The following MACROD1 variants were observed in gnomAD, a reference collection of about 807,000 sequenced individuals.
The protein encoded by MACROD1 is ADP-ribose glycohydrolase MACROD1.
Under a neutral mutation model 41.4 loss-of-function variants are expected in MACROD1, and 31 were observed. The ratio of observed to expected loss-of-function variants is 0.75; its 90% CI spans 0.56 to 1.01. The LOEUF is 1.01. Ranked by LOEUF, MACROD1 falls within the 50% of genes least tolerant of loss-of-function variation. The pLI is 0.00. For missense variants in MACROD1, 473 were observed against 460.0 expected (o/e 1.03, Z -0.26); for synonymous variants, 252 against 203.4 (o/e 1.24, Z -2.03).
intron 3 of MACROD1, among the ~76,000 whole-genome samples, chr11:64,108,307 C>CT (rs1376340626): frequency 1.3e-5 from 2 of 148,494 alleles, no homozygotes; most frequent in African/African-American, 2.5e-5. Flanking sequence ...GAGCGAAACT[C>CT]TGTCTCAAAA....
At chr11:64,074,199 A>G (rs1008531943) in intron 3 of MACROD1, among the ~76,000 whole-genome samples, 1 of 152,234 alleles carries the variant, frequency 6.6e-6, no homozygotes, top group African/African-American at 2.4e-5. Context: ...ACCGAGGCAG[A>G]GAGAAAGGAG....
At chr11:64,006,444 G>T (rs1304769064) in intron 4 of MACROD1, among the ~76,000 whole-genome samples, 1 of 152,240 alleles carries the variant, frequency 6.6e-6, no homozygotes, top group Admixed American at 6.5e-5. Context: ...AAGGCGGGTG[G>T]GTGCCCGGGG....
intron 3 of MACROD1, among the ~76,000 whole-genome samples, chr11:64,139,305 C>G (rs947232706): frequency 1.8e-4 from 28 of 152,238 alleles, no homozygotes; most frequent in Admixed American, 6.5e-5. Context: ...ACAGCCGCGT[C>G]CCTGCCCCTG....
At chr11:64,148,121 G>A (rs1030224208) in intron 3 of MACROD1, among the ~76,000 whole-genome samples, 33 of 152,070 alleles carry the variant, frequency 2.2e-4, no homozygotes, top group African/African-American at 7.5e-4. Flanking sequence ...GGGCGGGCAG[G>A]GGGACACCTG....
At chr11:64,003,972 G>A (rs982376842) in intron 4 of MACROD1, among the ~76,000 whole-genome samples, 2 of 152,208 alleles carry the variant, frequency 1.3e-5, no homozygotes, top group Admixed American at 6.5e-5. Context: ...GGGACTTCCC[G>A]TCTCCTTCGT....
At chr11:64,084,312 G>A (rs939853921) in intron 3 of MACROD1, among the ~76,000 whole-genome samples, 2 of 152,150 alleles carry the variant, frequency 1.3e-5, no homozygotes, top group African/African-American at 4.8e-5. Flanking sequence ...ACATGTGTGA[G>A]AGTGGGGGAT....
intron 3 of MACROD1, among the ~76,000 whole-genome samples, chr11:64,068,822 T>C (rs1944053242): frequency 6.6e-6 from 1 of 152,332 alleles, no homozygotes; most frequent in Middle Eastern, 3.4e-3. Context: ...TGGGCCTGTG[T>C]CACTGAGCAG....
At chr11:64,117,403 T>C (rs1945008584) in intron 3 of MACROD1, 1 of 1,612,180 alleles carries the variant, frequency 6.2e-7, no homozygotes, top group South Asian at 1.1e-5. Flanking sequence ...GACGAGTGTT[T>C]TGAGACGGGG....
chr11:64,107,517 C>T (rs1944784727), intron 3 of MACROD1, among the ~76,000 whole-genome samples: 1 of 150,618 alleles, frequency 6.6e-6, no homozygotes, highest in Non-Finnish European at 1.5e-5. Context: ...TGGTTAGGTG[C>T]ATTTATAGTG....
chr11:64,084,104 T>C (rs1021843133), intron 3 of MACROD1, among the ~76,000 whole-genome samples: 1 of 152,172 alleles, frequency 6.6e-6, no homozygotes, highest in Admixed American at 6.5e-5. Context: ...GGCCTGTGTG[T>C]GCATCTATGA....
In MACROD1 at chr11:63,998,561, CACA is replaced by C; in HGVS notation, c.*154_*156del. 9 of 1,168,078 alleles carry C rather than the reference CACA, an allele frequency of 7.7e-6. No individual in the cohort carries two copies. Among genetic ancestry groups the C allele is most frequent in the Non-Finnish European group, 9.7e-6 (9 of 929,904 alleles). The allele number at this position is 1,168,078 out of a possible 1,614,324, so 72.4% of individuals were successfully genotyped here. On this transcript the variant is annotated 3_prime_UTR_variant, in exon 11 of 11. Transcript: ENST00000255681. ...TCAGAGCTCAGACAGTAGGAGCTGC[CACA>C]ACGAGATCTTTATTAGGCTCCTCGG...
intron 3 of MACROD1, among the ~76,000 whole-genome samples, chr11:64,046,984 C>A (rs972767345): frequency 4.5e-4 from 68 of 152,238 alleles, no homozygotes; most frequent in African/African-American, 1.6e-3. Context: ...CGCCCTCAGC[C>A]TGGCATTTCA....
chr11:64,064,993 G>C lies in MACROD1; in HGVS notation c.518-49712C>G, dbSNP rs1013690210. ...TCCCTACACTCCAGAGCACAGGCTA[G>C]TTGGAACAAGCCAGAGGCGGGCAAT... On this transcript the variant is annotated intron_variant, in intron 3 of 10. Transcript: ENST00000255681. This position sits in a 1 kb window ranked among gnomAD's most constrained non-coding sequence, Gnocchi z 4.5. Among the ~76,000 whole-genome samples the C allele has an allele frequency of 6.6e-6, 1 of 152,220 alleles. No individual in the cohort carries two copies. The highest frequency in any genetic ancestry group is 1.5e-5 in the Non-Finnish European group (1 of 68,046).
rs1945116396 is a variant in MACROD1, at chr11:64,122,592, C to T, written c.517+28647G>A. Among the ~76,000 whole-genome samples, 1 of 152,128 alleles carries T rather than the reference C, an allele frequency of 6.6e-6. No individual in the cohort carries two copies. Among genetic ancestry groups the T allele is most frequent in the African/African-American group, 2.4e-5 (1 of 41,422 alleles). On this transcript the variant is annotated intron_variant, in intron 3 of 10. Transcript: ENST00000255681. This position sits in a 1 kb window ranked among gnomAD's most constrained non-coding sequence, Gnocchi z 4.0. Reference sequence around the variant, plus strand: ...CCAGGCAGAGAGCTGAGGAGGGGGTCGGGGAGATGTTTCCAGAGCGGTGCA... The same window carrying T: ...CCAGGCAGAGAGCTGAGGAGGGGGTTGGGGAGATGTTTCCAGAGCGGTGCA...
At chr11:64,018,393 C>T (rs1207048204) in intron 3 of MACROD1, among the ~76,000 whole-genome samples, 1 of 152,204 alleles carries the variant, frequency 6.6e-6, no homozygotes, top group Non-Finnish European at 1.5e-5. Flanking sequence ...GACACCAAGC[C>T]ACATGGTTCC....
At chr11:64,060,855 G>C (rs115935195) in intron 3 of MACROD1, among the ~76,000 whole-genome samples, 2,164 of 152,268 alleles carry the variant, frequency 0.014, 53 homozygotes, top group African/African-American at 0.05. Flanking sequence ...GGTGTGAACG[G>C]GGCCAAAGCC....
intron 3 of MACROD1, among the ~76,000 whole-genome samples, chr11:64,125,717 C>A (rs1048138150): frequency 6.6e-6 from 1 of 152,214 alleles, no homozygotes; most frequent in African/African-American, 2.4e-5. Context: ...CTGCCCCAAC[C>A]TGTGTCAGTA....
chr11:64,165,726 C>T lies in MACROD1; in HGVS notation c.269G>A (p.Ser90Asn), dbSNP rs938022135. Reference sequence around the variant, plus strand: ...CGCCTCCTTCCAGTCGGTGGAGGTGCTCAGGTCCACCTTCGCCGCCATGGC... The same window carrying T: ...CGCCTCCTTCCAGTCGGTGGAGGTGTTCAGGTCCACCTTCGCCGCCATGGC... ...PLAMAAKVDLSTSTDWKEAKS... is the reference protein window; with the variant it reads ...PLAMAAKVDLNTSTDWKEAKS... Residue 90 changes from serine to asparagine, a missense_variant, in exon 1 of 11, where the codon AGC (serine) becomes AAC (asparagine). Coordinates refer to ENST00000255681, the MANE Select transcript of MACROD1 (RefSeq NM_014067.4). 1.3e-5 allele frequency: 20 copies of T among 1,490,260 alleles called. No individual in the cohort carries two copies. Among genetic ancestry groups the T allele is most frequent in the Non-Finnish European group, 1.6e-5 (18 of 1,122,132 alleles). 92.3% of individuals were successfully genotyped at this position (1,490,260 alleles called of 1,614,324 possible).
chr11:64,133,749 T>C (rs1945296652), intron 3 of MACROD1, among the ~76,000 whole-genome samples: 1 of 152,112 alleles, frequency 6.6e-6, no homozygotes, highest in African/African-American at 2.4e-5. Context: ...ACGGGTGACT[T>C]GTAGGACCCT....
Sources: allele counts gnomAD v4.1 joint callset (sites outside exome capture counted in the v4.1 genomes callset), GRCh38; gene constraint gnomAD v4.1.1; non-coding constraint Gnocchi (gnomAD v3.1); transcripts MANE v1.5; gene names NCBI Gene and HGNC (gene_info 2026-07-23, HGNC 2026-07-21).